FHIP1A: variants seen among roughly 807,000 people sequenced by gnomAD.
FHIP1A encodes FHF complex subunit HOOK-interacting protein 1A.
FHIP1A carries 61 observed loss-of-function variants against 88.6 expected under a neutral mutation model. That is an observed-to-expected ratio of 0.69 (90% CI 0.56 to 0.85). The LOEUF (loss-of-function observed/expected upper bound fraction) is 0.85. Among genes scored for constraint, FHIP1A ranks in the 40% least tolerant of loss-of-function variants. The probability of loss-of-function intolerance (pLI) is 0.00; values close to 1 mark genes in which losing one functional copy is unlikely to be tolerated. For synonymous variants in FHIP1A, 478 were observed against 496.0 expected, an observed-to-expected ratio of 0.96 and a Z score of 0.48; for missense variants, 1,154 against 1,273.5, an observed-to-expected ratio of 0.91 and a Z score of 1.43.
At chr4:151,628,625 A>G (rs1379379560) in intron 7 of FHIP1A, among the ~76,000 whole-genome samples, 1 of 152,232 alleles carries the variant, frequency 6.6e-6, no homozygotes, top group Non-Finnish European at 1.5e-5. Context: ...AAAAGGGAAA[A>G]TAATCACTCA....
At chr4:151,490,741 TAA>T (rs34863645) in intron 3 of FHIP1A, among the ~76,000 whole-genome samples, 9 of 147,674 alleles carry the variant, frequency 6.1e-5, no homozygotes, top group Middle Eastern at 3.5e-3. Context: ...TTAAAGAAAT[TAA>T]AAAAAAAAAC....
At chr4:151,508,315 A>G (rs1230442695) in intron 3 of FHIP1A, among the ~76,000 whole-genome samples, 1 of 152,194 alleles carries the variant, frequency 6.6e-6, no homozygotes, top group Non-Finnish European at 1.5e-5. Context: ...GGGGAGAAAG[A>G]TTCGTGGGTC....
intron 2 of FHIP1A, among the ~76,000 whole-genome samples, chr4:151,480,575 CT>C (rs1729857531): frequency 6.6e-6 from 1 of 151,970 alleles, no homozygotes; most frequent in Non-Finnish European, 1.5e-5. Flanking sequence ...AATTCTGTTA[CT>C]TGTAAAACCC....
In FHIP1A at chr4:151,664,749, G is replaced by T. The variant is rs1199755040; in HGVS notation, c.*1995G>T. Among the ~76,000 whole-genome samples the T allele has an allele frequency of 6.6e-6, 1 of 152,160 alleles. No homozygotes were observed. ...GCACAAGTATTTATCTTCTTGTTTG[G>T]ACTTACAAAGTCATAAAATGCCAAC... On this transcript the variant is annotated 3_prime_UTR_variant, in exon 14 of 14. Coordinates refer to ENST00000435205, the MANE Select transcript of FHIP1A (RefSeq NM_001109977.3).
chr4:151,539,385 T>G (rs1462750745), intron 3 of FHIP1A, among the ~76,000 whole-genome samples: 1 of 151,796 alleles, frequency 6.6e-6, no homozygotes, highest in East Asian at 1.9e-4. Flanking sequence ...AGTTCAAGAC[T>G]AGCCTGGCCA....
intron 4 of FHIP1A, among the ~76,000 whole-genome samples, chr4:151,571,368 CAAAT>C (rs1057313898): frequency 6.6e-6 from 1 of 152,000 alleles, no homozygotes; most frequent in African/African-American, 2.4e-5. Context: ...TATCAGAGCT[CAAAT>C]AAAGTAATAG....
Position 151,577,771 on chromosome 4 carries a change from C to T in FHIP1A, c.427C>T (p.Leu143=). The T allele has an allele frequency of 6.4e-7, 1 of 1,552,030 alleles. No individual in the cohort carries two copies. Among genetic ancestry groups the T allele is most frequent in the Non-Finnish European group, 8.7e-7 (1 of 1,147,072 alleles). The change falls in exon 5 of 14, where the codon CTG becomes TTG. Residue 143 remains leucine, a synonymous_variant. Transcript: ENST00000435205. ...GCACCACAAACCCATTCTGAAGCCT[C>T]TGATGATGTTGCTGAGCTCTTGTTC... The part of the protein sequence containing the change: ...LLHHKPILKP[L]MMLLSSCSGT...
intron 3 of FHIP1A, among the ~76,000 whole-genome samples, chr4:151,544,787 T>G (rs1280473254): frequency 6.6e-6 from 1 of 152,190 alleles, no homozygotes; most frequent in Non-Finnish European, 1.5e-5. Context: ...TTCTCTGAGC[T>G]GTCATCTTAA....
intron 9 of FHIP1A, among the ~76,000 whole-genome samples, chr4:151,643,664 C>T (rs893865303): frequency 2.0e-5 from 3 of 152,112 alleles, no homozygotes; most frequent in Non-Finnish European, 4.4e-5. Flanking sequence ...TTGTAGCTCC[C>T]GCGTATGAGT....
Position 151,665,746 on chromosome 4 carries a change from G to T in FHIP1A, c.*2992G>T, listed in dbSNP as rs955933564. 6.6e-6 allele frequency among the ~76,000 whole-genome samples: 1 copy of T among 152,206 alleles called. No individual in the cohort carries two copies. Among genetic ancestry groups the T allele is most frequent in the Admixed American group, 6.5e-5 (1 of 15,288 alleles). On this transcript the variant is annotated 3_prime_UTR_variant, in exon 14 of 14. Coordinates refer to ENST00000435205, the MANE Select transcript of FHIP1A (RefSeq NM_001109977.3). The stretch of plus-strand genomic sequence containing the variant: ...ATTGGCAATGAAGTAGAATATTCTG[G>T]TCCTAAAGTAAATCGGCAAGCCCTT...
intron 7 of FHIP1A, among the ~76,000 whole-genome samples, chr4:151,615,152 T>A (rs1735474351): frequency 6.6e-6 from 1 of 151,558 alleles, no homozygotes; most frequent in Non-Finnish European, 1.5e-5. Flanking sequence ...GGAGACAGTG[T>A]CTTTGACGAC....
chr4:151,511,620 A>C (rs1469257357), intron 3 of FHIP1A, among the ~76,000 whole-genome samples: 2 of 152,234 alleles, frequency 1.3e-5, no homozygotes, highest in African/African-American at 4.8e-5. Context: ...AAAACGGCGC[A>C]CCAGGAGATT....
chr4:151,470,408 T>C (rs1193846556), intron 2 of FHIP1A, among the ~76,000 whole-genome samples: 1 of 152,182 alleles, frequency 6.6e-6, no homozygotes, highest in Admixed American at 6.5e-5. Context: ...TTATAAATAT[T>C]CTTGTTCAGA....
intron 3 of FHIP1A, among the ~76,000 whole-genome samples, chr4:151,529,360 G>A (rs768617624): frequency 6.6e-6 from 1 of 152,186 alleles, no homozygotes. Flanking sequence ...GCTACTCTCT[G>A]AGTTGCCCTT....
At chr4:151,534,809 G>A (rs1465011351) in intron 3 of FHIP1A, 1 of 152,198 alleles carries the variant, frequency 6.6e-6, no homozygotes, top group Non-Finnish European at 1.5e-5. Context: ...CAACTTTTGA[G>A]GAGTCCGTTT....
intron 3 of FHIP1A, among the ~76,000 whole-genome samples, chr4:151,527,686 A>G (rs1309890978): frequency 1.3e-5 from 2 of 152,328 alleles, no homozygotes; most frequent in South Asian, 2.1e-4. Context: ...ATGCTTCAGT[A>G]TAATGCTCTG....
At chr4:151,638,578 A>C in intron 8 of FHIP1A, 99 bp from the exon 9 acceptor site, 1 of 631,954 alleles carries the variant, frequency 1.6e-6, no homozygotes, top group Non-Finnish European at 2.6e-6. Context: ...AAAAAAAAAA[A>C]GGCCATTATA....
chr4:151,508,693 A>ACCC (rs1730918045), intron 3 of FHIP1A, among the ~76,000 whole-genome samples: 1 of 152,204 alleles, frequency 6.6e-6, no homozygotes, highest in Non-Finnish European at 1.5e-5. Flanking sequence ...GGGCTTACCA[A>ACCC]AAATAGGTGA....
chr4:151,449,633 C>T (rs989295493), intron 1 of FHIP1A, among the ~76,000 whole-genome samples: 5 of 152,084 alleles, frequency 3.3e-5, no homozygotes, highest in Admixed American at 2.0e-4. Context: ...ACTTATTCCT[C>T]CTGTCTAACT....
Sources: allele counts gnomAD v4.1 joint callset (sites outside exome capture counted in the v4.1 genomes callset), GRCh38; gene constraint gnomAD v4.1.1; transcripts MANE v1.5; gene names NCBI Gene and HGNC (gene_info 2026-07-23, HGNC 2026-07-21).